The following MYH9 variants were observed in gnomAD, a reference collection of about 807,000 sequenced individuals.
MYH9 encodes myosin-9.
In MYH9, 29 loss-of-function variants were observed where a neutral mutation model predicts 241.9. That is an observed-to-expected ratio of 0.12 (90% CI 0.09 to 0.16). MYH9 has a LOEUF of 0.16. Ranked by LOEUF, MYH9 falls within the 10% of genes least tolerant of loss-of-function variation. The probability of loss-of-function intolerance (pLI) is 1.00; values close to 1 mark genes in which losing one functional copy is unlikely to be tolerated. For synonymous variants in MYH9, 1,047 were observed against 1,062.6 expected (o/e 0.99, Z 0.29); for missense variants, 1,803 against 2,595.5 (o/e 0.69, Z 6.63).
At chr22:36,325,600 C>T (rs747350080) in intron 5 of MYH9, among the ~76,000 whole-genome samples, 7 of 152,232 alleles carry the variant, frequency 4.6e-5, no homozygotes, top group African/African-American at 7.2e-5. Flanking sequence ...CTGACTGGCA[C>T]GGCGGTGGCA....
chr22:36,290,760 G>A lies in MYH9; in HGVS notation c.4344+1226C>T, dbSNP rs1421688522. 3.8e-4 allele frequency among the ~76,000 whole-genome samples: 57 copies of A among 151,208 alleles called. 2 individuals carry two copies. Among genetic ancestry groups the A allele is most frequent in the African/African-American group, 1.9e-4 (8 of 41,082 alleles). ...AAGTGAGGAGCGTCTCTGCCCGGCC[G>A]CCCATCGTCTGAGATGTGGGGAGCG... On this transcript the variant is annotated intron_variant, in intron 31 of 40. Transcript: ENST00000216181.
intron 3 of MYH9, among the ~76,000 whole-genome samples, chr22:36,338,280 G>A (rs2017530090): frequency 6.6e-6 from 1 of 151,974 alleles, no homozygotes; most frequent in Admixed American, 6.6e-5. Context: ...GATTACAGGT[G>A]TAAGCCACCA....
At chr22:36,325,245 G>A (rs2017317467) in intron 5 of MYH9, 1 of 641,108 alleles carries the variant, frequency 1.6e-6, no homozygotes, top group Admixed American at 2.8e-5. Context: ...GACGCCCCAT[G>A]GAAAAAGATT....
intron 1 of MYH9, among the ~76,000 whole-genome samples, chr22:36,363,445 G>A (rs752614731): frequency 6.6e-6 from 1 of 152,222 alleles, no homozygotes; most frequent in African/African-American, 2.4e-5. Flanking sequence ...AGGGTAGCTG[G>A]AGGGAGAGAC....
intron 40 of MYH9, 128 bp downstream of exon 40, chr22:36,283,965 G>C: frequency 8.9e-7 from 1 of 1,118,458 alleles, no homozygotes; most frequent in East Asian, 2.4e-5. Flanking sequence ...AGCCAGAAGG[G>C]GCAGGGATTG....
chr22:36,300,144 T>G lies in MYH9; in HGVS notation c.2959A>C (p.Asn987His). 1 of 1,612,272 alleles carries G rather than the reference T, an allele frequency of 6.2e-7. No individual in the cohort carries two copies. Among genetic ancestry groups the G allele is most frequent in the Non-Finnish European group, 8.5e-7 (1 of 1,180,006 alleles). The change falls in exon 23 of 41, where the codon AAC becomes CAC. Residue 987 changes from asparagine to histidine, a missense_variant. Physicochemically the swap from Asn to His is moderately conservative, Grantham distance 68 (BLOSUM62 1). Transcript: ENST00000216181. This position sits in a 1 kb window ranked among gnomAD's most constrained non-coding sequence, Gnocchi z 5.0. ...GGCCTCACCTTGGCCAGCTTGCAGT[T>G]CTGGTCCTCCAGGATGATCTGCTCC... ...EEEQIILEDQNCKLAKEKKLL... is the reference protein window; with the variant it reads ...EEEQIILEDQHCKLAKEKKLL...
chr22:36,358,018 C>G (rs374823085), intron 1 of MYH9, among the ~76,000 whole-genome samples: 14 of 152,164 alleles, frequency 9.2e-5, no homozygotes, highest in African/African-American at 3.1e-4. Flanking sequence ...AGATGATTAA[C>G]GGAAGACAAG....
chr22:36,308,052 T>C (rs910382372), intron 15 of MYH9, among the ~76,000 whole-genome samples: 4 of 152,000 alleles, frequency 2.6e-5, no homozygotes, highest in African/African-American at 9.7e-5. Flanking sequence ...TTTAGCTGAG[T>C]GTGTCCTGGC....
rs767088377 is a variant in MYH9 at position 36,318,284 on chromosome 22, C to T, written c.1150G>A (p.Asp384Asn). 3.1e-6 allele frequency: 5 copies of T among 1,613,756 alleles called. No individual in the cohort carries two copies. The highest frequency in any genetic ancestry group is 1.3e-5 in the African/African-American group (1 of 74,652). ...VSHLLGINVTDFTRGILTPRI... is the reference protein window; with the variant it reads ...VSHLLGINVTNFTRGILTPRI... Reference sequence around the variant, plus strand: ...GGGGTGAGGATTCCTCTGGTGAAATCGGTCACATTGATACCCAAGAGATGG... The same window carrying T: ...GGGGTGAGGATTCCTCTGGTGAAATTGGTCACATTGATACCCAAGAGATGG... Residue 384 changes from aspartate to asparagine, a missense_variant, in exon 11 of 41, where the codon GAT becomes AAT. Physicochemically the swap from Asp to Asn is conservative, Grantham distance 23. Around this residue, in one of 11 missense-constraint regions of MYH9, gnomAD observed 222 missense variants for 359.9 expected, o/e 0.62. Coordinates refer to ENST00000216181, the MANE Select transcript of MYH9 (RefSeq NM_002473.6).
chr22:36,307,534 A>G (rs1272202683), intron 15 of MYH9, among the ~76,000 whole-genome samples: 1 of 152,194 alleles, frequency 6.6e-6, no homozygotes, highest in Non-Finnish European at 1.5e-5. Flanking sequence ...AGACAGCAAA[A>G]AGGATGCTTG....
intron 9 of MYH9, chr22:36,319,923 C>T (rs879805408): frequency 2.1e-5 from 13 of 606,580 alleles, no homozygotes; most frequent in Admixed American, 1.7e-4. Flanking sequence ...CCACACTCCC[C>T]GAGACAGGAC....
intron 14 of MYH9, 42 bp from the exon 15 acceptor site, chr22:36,309,438 G>A: frequency 6.8e-7 from 1 of 1,472,638 alleles, no homozygotes; most frequent in Non-Finnish European, 9.5e-7. Flanking sequence ...CTGCGCTGGG[G>A]ACATGTGTGC....
intron 1 of MYH9, among the ~76,000 whole-genome samples, chr22:36,384,566 G>A (rs2018309599): frequency 1.1e-5 from 1 of 91,976 alleles, no homozygotes; most frequent in Non-Finnish European, 2.0e-5. Context: ...CTGGGCGACA[G>A]AGCAAGACTC....
At chr22:36,317,551 G>A (rs531060075) in intron 11 of MYH9, among the ~76,000 whole-genome samples, 3 of 152,226 alleles carry the variant, frequency 2.0e-5, no homozygotes, top group Non-Finnish European at 4.4e-5. Context: ...AGCTGTCAGT[G>A]TACAGTGAAT....
At chr22:36,311,857 G>T (rs2017068630) in intron 14 of MYH9, among the ~76,000 whole-genome samples, 192 bp downstream of exon 14, 1 of 152,194 alleles carries the variant, frequency 6.6e-6, no homozygotes, top group Admixed American at 6.5e-5. Context: ...TGGAGCAGGT[G>T]AAGGGGCTCT....
At chr22:36,289,951 T>C (rs1362234670) in intron 31 of MYH9, among the ~76,000 whole-genome samples, 1 of 152,046 alleles carries the variant, frequency 6.6e-6, no homozygotes, top group East Asian at 1.9e-4. Flanking sequence ...ATGAGAACCA[T>C]GGAGCGTGGC....
chr22:36,313,451 CAAAAA>C (rs57101170), intron 13 of MYH9, among the ~76,000 whole-genome samples: 1 of 52,930 alleles, frequency 1.9e-5, no homozygotes, highest in Non-Finnish European at 3.8e-5. Flanking sequence ...GACTCCGTCT[CAAAAA>C]AAAAAAAAAA....
rs904711385 is a variant in MYH9, at chr22:36,281,495, G to A, written c.*1173C>T. 4 of 224,262 alleles carry A rather than the reference G, an allele frequency of 1.8e-5. No individual in the cohort carries two copies. The highest frequency in any genetic ancestry group is 7.0e-5 in the African/African-American group (3 of 42,664). The allele number at this position is 224,262 out of a possible 1,614,324, so 13.9% of individuals were successfully genotyped here. A position where few individuals can be genotyped will look rare whatever the true frequency, so the allele number is the denominator to read the frequency against. On this transcript the variant is annotated 3_prime_UTR_variant, in exon 41 of 41. Coordinates refer to ENST00000216181, the MANE Select transcript of MYH9 (RefSeq NM_002473.6). Reference sequence around the variant, plus strand: ...TTTTATATCACTTCATGATTTGAGAGTTTGTTTCCTTTAAAAAAAAAAAAT... The same window carrying A: ...TTTTATATCACTTCATGATTTGAGAATTTGTTTCCTTTAAAAAAAAAAAAT...
chr22:36,299,972 T>C (rs895619461), intron 23 of MYH9, among the ~76,000 whole-genome samples, 155 bp downstream of exon 23: 1 of 152,116 alleles, frequency 6.6e-6, no homozygotes, highest in Non-Finnish European at 1.5e-5. Context: ...CCATGGGACC[T>C]CCAGGGAGCA....
Sources: gnomAD v4.1 joint callset for allele counts (sites outside exome capture counted in the v4.1 genomes callset) on GRCh38, gnomAD v4.1.1 for gene constraint, gnomAD v4.1.1 regional missense constraint, Gnocchi (gnomAD v3.1) non-coding constraint, MANE v1.5 for transcripts, NCBI Gene and HGNC (gene_info 2026-07-23, HGNC 2026-07-21) for gene names.